Variants in FZD6 observed in about 807,000 individuals in gnomAD.
FZD6 encodes frizzled class receptor 6.
FZD6 carries 49 observed loss-of-function variants against 61.4 expected under a neutral mutation model. That is an observed-to-expected ratio of 0.80 (90% confidence interval 0.63 to 1.01). The LOEUF (loss-of-function observed/expected upper bound fraction) is 1.01. Among genes scored for constraint, FZD6 ranks in the 50% least tolerant of loss-of-function variants. The pLI is 0.00. For synonymous variants in FZD6, 265 were observed against 292.2 expected, an observed-to-expected ratio of 0.91 and a Z score of 0.95; for missense variants, 724 against 848.2, an observed-to-expected ratio of 0.85 and a Z score of 1.82.
At chr8:103,317,268 CAA>C (rs1814650347) in intron 2 of FZD6, among the ~76,000 whole-genome samples, 1 of 152,142 alleles carries the variant, frequency 6.6e-6, no homozygotes, top group Admixed American at 6.5e-5. Context: ...AAATAAGAGA[CAA>C]AGTGGTCAGA....
chr8:103,329,755 T>G lies in FZD6; in HGVS notation c.1642T>G (p.Ser548Ala). Reference protein sequence around the residue: ...KHKKKHYKPSSHKLKVISKSM... With the variant: ...KHKKKHYKPSAHKLKVISKSM... Reference sequence around the variant, plus strand: ...CAAAAAGAAGCACTATAAACCAAGTTCACACAAGCTGAAGGTCATTTCCAA... The same window carrying G: ...CAAAAAGAAGCACTATAAACCAAGTGCACACAAGCTGAAGGTCATTTCCAA... Residue 548 changes from serine (S) to alanine (A), a missense_variant, in exon 6 of 7, where the codon TCA becomes GCA. By Grantham distance (99) the Ser-to-Ala change is moderately conservative (BLOSUM62 1). Transcript: ENST00000358755. The G allele has an allele frequency of 6.2e-7, 1 of 1,613,844 alleles. No individual in the cohort carries two copies. Among genetic ancestry groups the G allele is most frequent in the Non-Finnish European group, 8.5e-7 (1 of 1,179,802 alleles).
At chr8:103,327,364 G>A (rs1814981047) in intron 4 of FZD6, among the ~76,000 whole-genome samples, 1 of 152,244 alleles carries the variant, frequency 6.6e-6, no homozygotes, top group South Asian at 2.1e-4. Context: ...GGAGGCTGAG[G>A]AGGGCGGATT....
chr8:103,316,752 T>C (rs1814636721), intron 2 of FZD6, among the ~76,000 whole-genome samples: 1 of 152,244 alleles, frequency 6.6e-6, no homozygotes, highest in Non-Finnish European at 1.5e-5. Context: ...ATTCTGTTTT[T>C]TTCCCCCCTC....
chr8:103,317,009 G>T (rs1199890227), intron 2 of FZD6, among the ~76,000 whole-genome samples: 1 of 152,188 alleles, frequency 6.6e-6, no homozygotes, highest in Non-Finnish European at 1.5e-5. Flanking sequence ...AGTACATAAT[G>T]AAATGCCAGA....
At chr8:103,301,546 A>C (rs559928153) in intron 2 of FZD6, among the ~76,000 whole-genome samples, 1 of 152,240 alleles carries the variant, frequency 6.6e-6, no homozygotes, top group South Asian at 2.1e-4. Flanking sequence ...TTTCCTTTGT[A>C]TGTGGTAACT....
At chr8:103,303,767 A>G (rs984627378) in intron 2 of FZD6, among the ~76,000 whole-genome samples, 2 of 152,202 alleles carry the variant, frequency 1.3e-5, no homozygotes, top group African/African-American at 4.8e-5. Flanking sequence ...AATGAAATAT[A>G]TCAGTTGACA....
chr8:103,298,726 T>C (rs1814043972), upstream of FZD6: 1 of 149,416 alleles, frequency 6.7e-6, no homozygotes, highest in Non-Finnish European at 1.5e-5. Context: ...GGCCGCGGAG[T>C]GAGGCCGGGC....
chr8:103,316,363 C>T (rs999271102), intron 2 of FZD6, among the ~76,000 whole-genome samples: 1 of 152,172 alleles, frequency 6.6e-6, no homozygotes, highest in Non-Finnish European at 1.5e-5. Context: ...GCCATCTGCC[C>T]TTCTGTCAAA....
chr8:103,311,965 T>TTAAATAAGAATTAGAAC (rs1193672752), intron 2 of FZD6, among the ~76,000 whole-genome samples: 2 of 152,216 alleles, frequency 1.3e-5, no homozygotes, highest in African/African-American at 4.8e-5. Context: ...AGTATTAGAA[T>TTAAATAAGAATTAGAAC]TAAATAAGAA....
chr8:103,312,564 C>T (rs1814526208), intron 2 of FZD6, among the ~76,000 whole-genome samples: 1 of 152,124 alleles, frequency 6.6e-6, no homozygotes, highest in Admixed American at 6.5e-5. Context: ...AAATTAAGGA[C>T]ATAAGAAATA....
chr8:103,326,882 TA>T (rs1389710370), intron 4 of FZD6, among the ~76,000 whole-genome samples: 1 of 151,900 alleles, frequency 6.6e-6, no homozygotes, highest in Non-Finnish European at 1.5e-5. Context: ...TCACAGGAAA[TA>T]AAAATGAAAA....
intron 2 of FZD6, among the ~76,000 whole-genome samples, chr8:103,301,948 C>A (rs971783883): frequency 6.6e-6 from 1 of 152,052 alleles, no homozygotes; most frequent in African/African-American, 2.4e-5. Context: ...TTGTTCTTAC[C>A]TCTTTTATAT....
rs1005506493 is a variant in FZD6 at position 103,332,644 on chromosome 8, T to C, written c.*1135T>C. The C allele has an allele frequency of 6.6e-6, 1 of 152,630 alleles. No individual in the cohort carries two copies. Among genetic ancestry groups the C allele is most frequent in the African/African-American group, 2.4e-5 (1 of 41,458 alleles). The allele number at this position is 152,630 out of a possible 1,614,324, so 9.5% of individuals were successfully genotyped here. A position where few individuals can be genotyped will look rare whatever the true frequency, so the allele number is the denominator to read the frequency against. ...TCTTAATTTTGTTTCCTATTAAGTA[T>C]TATTCTTTGGGCAAGATTTTCTGAT... is the stretch of plus-strand genomic sequence containing the variant. On this transcript the variant is annotated 3_prime_UTR_variant, in exon 7 of 7. Coordinates refer to ENST00000358755, the MANE Select transcript of FZD6 (RefSeq NM_003506.4).
At chr8:103,305,442 T>C (rs1268458101) in intron 2 of FZD6, among the ~76,000 whole-genome samples, 1 of 152,234 alleles carries the variant, frequency 6.6e-6, no homozygotes, top group Non-Finnish European at 1.5e-5. Context: ...TATCTATTTC[T>C]GTTGTATAGT....
At chr8:103,308,402 C>T (rs1814401207) in intron 2 of FZD6, among the ~76,000 whole-genome samples, 1 of 152,134 alleles carries the variant, frequency 6.6e-6, no homozygotes, top group Non-Finnish European at 1.5e-5. Flanking sequence ...TCTTGTTGTA[C>T]CATTAGCTAT....
At position 103,329,897 on chromosome 8, in the gene FZD6, C is replaced by T. The variant is rs963229485; in HGVS notation, c.1784C>T (p.Thr595Ile). Residue 595 changes from threonine to isoleucine, a missense_variant, in exon 6 of 7, where the codon ACA (threonine) becomes ATA (isoleucine). Thr to Ile is a moderately conservative substitution (Grantham distance 89). Coordinates refer to ENST00000358755, the MANE Select transcript of FZD6 (RefSeq NM_003506.4). Reference protein sequence around the residue: ...TLTEIQTSPETSMREVKADGA... With the variant: ...TLTEIQTSPEISMREVKADGA... ...ACAGAAATCCAAACCTCACCAGAAACATCAATGAGAGAGGTGAAAGCGGAC... is the reference window on the plus strand; with the variant it reads ...ACAGAAATCCAAACCTCACCAGAAATATCAATGAGAGAGGTGAAAGCGGAC... The T allele has an allele frequency of 5.6e-6, 9 of 1,614,136 alleles. No homozygotes were observed. The South Asian group carries it at 9.9e-5, about 18-fold the overall frequency.
At position 103,328,318 on chromosome 8, in the gene FZD6, G is replaced by A; in HGVS notation, c.1443G>A (p.Leu481=). ...TGGCTTTATTTATGATAAAATACCTGATGACATTAATTGTTGGCATCTCTG... is the reference window on the plus strand; with the variant it reads ...TGGCTTTATTTATGATAAAATACCTAATGACATTAATTGTTGGCATCTCTG... The part of the protein sequence containing the change: ...PELALFMIKY[L]MTLIVGISAV... The change falls in exon 5 of 7, where the codon CTG becomes CTA. Residue 481 remains leucine, a synonymous_variant. Coordinates refer to ENST00000358755, the MANE Select transcript of FZD6 (RefSeq NM_003506.4). The A allele has an allele frequency of 6.2e-7, 1 of 1,610,676 alleles. No individual in the cohort carries two copies. Among genetic ancestry groups the A allele is most frequent in the South Asian group, 1.1e-5 (1 of 90,980 alleles).
chr8:103,309,185 C>T (rs1327079681), intron 2 of FZD6, among the ~76,000 whole-genome samples: 1 of 152,150 alleles, frequency 6.6e-6, no homozygotes, highest in Admixed American at 6.5e-5. Context: ...GGAAAAATTC[C>T]ACATCTAACA....
Position 103,329,802 on chromosome 8 carries a change from A to T in FZD6, c.1689A>T (p.Gly563=). The part of the protein sequence containing the change: ...VISKSMGTST[G]ATANHGTSAV... ...CCAAATCCATGGGAACCAGCACAGG[A>T]GCTACAGCAAATCATGGCACTTCTG... Residue 563 remains glycine, a synonymous_variant, in exon 6 of 7, where the codon GGA becomes GGT. Transcript: ENST00000358755. The T allele has an allele frequency of 6.2e-7, 1 of 1,614,204 alleles. No homozygotes were observed. The highest frequency in any genetic ancestry group is 8.5e-7 in the Non-Finnish European group (1 of 1,180,008).
Sources: allele counts gnomAD v4.1 joint callset (sites outside exome capture counted in the v4.1 genomes callset), GRCh38; gene constraint gnomAD v4.1.1; transcripts MANE v1.5; gene names NCBI Gene and HGNC (gene_info 2026-07-23, HGNC 2026-07-21).